The following PHLDB2 variants were observed in gnomAD, a reference collection of about 807,000 sequenced individuals.
PHLDB2 encodes pleckstrin homology like domain family B member 2, also known as pleckstrin homology-like domain family B member 2.
A neutral mutation model predicts 123.6 loss-of-function variants in PHLDB2; 71 were observed. The ratio of observed to expected loss-of-function variants is 0.57; its 90% CI spans 0.47 to 0.70. The LOEUF is 0.70. PHLDB2 is among the 30% of genes least tolerant of loss of function. PHLDB2 has a pLI of 0.00. For synonymous variants in PHLDB2, 547 were observed against 541.6 expected, an observed-to-expected ratio of 1.01 and a Z score of -0.14; for missense variants, 1,446 against 1,519.5, an observed-to-expected ratio of 0.95 and a Z score of 0.80.
intron 2 of PHLDB2, among the ~76,000 whole-genome samples, chr3:111,893,019 C>G (rs968120172): frequency 1.3e-5 from 2 of 152,086 alleles, no homozygotes; most frequent in East Asian, 3.9e-4. Flanking sequence ...GTTGTCAGGT[C>G]AAAGTGACTC....
intron 1 of PHLDB2, among the ~76,000 whole-genome samples, chr3:111,734,361 T>G (rs1316487254): frequency 1.3e-5 from 2 of 152,128 alleles, no homozygotes; most frequent in African/African-American, 4.8e-5. Flanking sequence ...GAGGATTGCT[T>G]GAAGCCAGGA....
At chr3:111,822,710 G>A (rs1258699554) in intron 1 of PHLDB2, among the ~76,000 whole-genome samples, 2 of 152,088 alleles carry the variant, frequency 1.3e-5, no homozygotes, top group African/African-American at 2.4e-5. Context: ...AGCTAACAAC[G>A]TGAGCTCTTC....
At chr3:111,787,954 A>G (rs887867533) in intron 1 of PHLDB2, among the ~76,000 whole-genome samples, 1 of 152,222 alleles carries the variant, frequency 6.6e-6, no homozygotes, top group Non-Finnish European at 1.5e-5. Flanking sequence ...TTCAGTAAAT[A>G]TATTAGAAAT....
intron 1 of PHLDB2, among the ~76,000 whole-genome samples, chr3:111,870,427 G>A (rs1362180264): frequency 6.6e-6 from 1 of 152,108 alleles, no homozygotes; most frequent in Non-Finnish European, 1.5e-5. Flanking sequence ...ACTGAGGATG[G>A]TGTTTGGAGA....
intron 8 of PHLDB2, among the ~76,000 whole-genome samples, chr3:111,944,081 A>G (rs1471492162): frequency 6.6e-6 from 1 of 152,232 alleles, no homozygotes; most frequent in Non-Finnish European, 1.5e-5. Context: ...TGATGCCTGT[A>G]ACATGGAGTG....
chr3:111,923,031 TTAC>T (rs2068609946), intron 5 of PHLDB2, among the ~76,000 whole-genome samples: 2 of 152,244 alleles, frequency 1.3e-5, no homozygotes, highest in South Asian at 2.1e-4. Context: ...TTAAAATAAA[TTAC>T]TACTTTATCG....
At chr3:111,897,820 T>C (rs148917573) in intron 2 of PHLDB2, among the ~76,000 whole-genome samples, 2 of 152,258 alleles carry the variant, frequency 1.3e-5, no homozygotes, top group East Asian at 3.9e-4. Context: ...GAAAGGAAAA[T>C]ATTCAGGCAT....
At chr3:111,780,391 G>C (rs888092646) in intron 1 of PHLDB2, among the ~76,000 whole-genome samples, 8 of 49,930 alleles carry the variant, frequency 1.6e-4, no homozygotes, top group African/African-American at 3.5e-4. Context: ...AGAAGAAGAA[G>C]AAGAAGAAGA....
At chr3:111,794,385 G>T (rs1190483801) in intron 1 of PHLDB2, among the ~76,000 whole-genome samples, 2 of 152,170 alleles carry the variant, frequency 1.3e-5, no homozygotes, top group African/African-American at 4.8e-5. Context: ...GAGGGGTGGT[G>T]TTGGCAATTC....
intron 2 of PHLDB2, among the ~76,000 whole-genome samples, chr3:111,847,024 C>G (rs917533892): frequency 3.9e-5 from 6 of 152,094 alleles, no homozygotes; most frequent in Non-Finnish European, 5.9e-5. Context: ...TGAATAACTG[C>G]AGGCAGTTTA....
At chr3:111,813,244 TAAC>T (rs754214629) in intron 1 of PHLDB2, among the ~76,000 whole-genome samples, 8 of 152,202 alleles carry the variant, frequency 5.3e-5, no homozygotes, top group Admixed American at 1.3e-4. Context: ...CTATAGTTAA[TAAC>T]AATGTATTGT....
intron 1 of PHLDB2, among the ~76,000 whole-genome samples, chr3:111,823,743 A>T (rs1276570225): frequency 6.6e-6 from 1 of 152,176 alleles, no homozygotes; most frequent in Non-Finnish European, 1.5e-5. Context: ...TCATTATATA[A>T]TGAAGAAATG....
At chr3:111,892,317 A>G (rs890087350) in intron 2 of PHLDB2, among the ~76,000 whole-genome samples, 19 of 152,216 alleles carry the variant, frequency 1.2e-4, no homozygotes, top group African/African-American at 2.2e-4. Flanking sequence ...TATAGTTCCC[A>G]TGAAAGCACT....
At chr3:111,744,047 T>TA (rs1212543761) in intron 1 of PHLDB2, among the ~76,000 whole-genome samples, 2 of 152,094 alleles carry the variant, frequency 1.3e-5, no homozygotes, top group Non-Finnish European at 2.9e-5. Flanking sequence ...ATTTGCAACA[T>TA]AAAAAACAGA....
intron 2 of PHLDB2, among the ~76,000 whole-genome samples, chr3:111,894,210 T>G (rs1469646202): frequency 6.6e-6 from 1 of 151,768 alleles, no homozygotes; most frequent in Non-Finnish European, 1.5e-5. Flanking sequence ...GATTTCCAAT[T>G]TCATCCATGT....
chr3:111,783,866 A>G (rs571159930), intron 1 of PHLDB2, among the ~76,000 whole-genome samples: 3 of 152,304 alleles, frequency 2.0e-5, no homozygotes, highest in Admixed American at 6.5e-5. Flanking sequence ...ATTCAATTAC[A>G]GTAAGGCTCT....
In PHLDB2 at chr3:111,775,913, T is replaced by C. The variant is rs142515789; in HGVS notation, c.-49+43210T>C. ...AATAAGTTTTAAAAGTATGCTTCAT[T>C]GCTTTGCTATAAAACTGGCCCTGAA... On this transcript the variant is annotated intron_variant, in intron 1 of 17. Transcript: ENST00000393923. 2.2e-3 allele frequency among the ~76,000 whole-genome samples: 339 copies of C among 152,326 alleles called. 3 individuals carry two copies. Among genetic ancestry groups the C allele is most frequent in the Admixed American group, 0.014 (221 of 15,296 alleles).
intron 2 of PHLDB2, among the ~76,000 whole-genome samples, chr3:111,851,103 G>A (rs1168715759): frequency 6.7e-6 from 1 of 150,282 alleles, no homozygotes; most frequent in Non-Finnish European, 1.5e-5. Flanking sequence ...GCTGAGGCAG[G>A]AGAATGGCAT....
chr3:111,962,623 A>T (rs888429661), intron 13 of PHLDB2, among the ~76,000 whole-genome samples: 1 of 152,176 alleles, frequency 6.6e-6, no homozygotes, highest in African/African-American at 2.4e-5. Context: ...CTTCACTTAC[A>T]CTGCTTTTGA....
Sources: allele counts gnomAD v4.1 joint callset (sites outside exome capture counted in the v4.1 genomes callset), GRCh38; gene constraint gnomAD v4.1.1; transcripts MANE v1.5; gene names NCBI Gene and HGNC (gene_info 2026-07-23, HGNC 2026-07-21).